The following PTPRM variants were observed in gnomAD, a reference collection of about 807,000 sequenced individuals.
PTPRM encodes receptor-type tyrosine-protein phosphatase mu.
PTPRM carries 47 observed loss-of-function variants against 186.7 expected under a neutral mutation model. The observed-to-expected ratio is 0.25, with a 90% CI of 0.20 to 0.32. The LOEUF is 0.32. Among genes scored for constraint, PTPRM ranks in the 10% least tolerant of loss-of-function variants. The pLI, the probability that PTPRM is intolerant of heterozygous loss-of-function variation, is 1.00. For missense variants in PTPRM, 1,494 were observed against 1,865.0 expected, an observed-to-expected ratio of 0.80 and a Z score of 3.66; for synonymous variants, 668 against 674.9, an observed-to-expected ratio of 0.99 and a Z score of 0.16.
chr18:8,279,466 GA>G (rs1296864131), intron 19 of PTPRM, among the ~76,000 whole-genome samples: 11 of 152,300 alleles, frequency 7.2e-5, no homozygotes, highest in Middle Eastern at 3.4e-3. Context: ...AAGCCCTACT[GA>G]AGAGTGGGTT....
intron 14 of PTPRM, among the ~76,000 whole-genome samples, chr18:8,239,603 G>A (rs1369534758): frequency 1.3e-5 from 2 of 152,174 alleles, no homozygotes; most frequent in Admixed American, 1.3e-4. Flanking sequence ...CTCTCACAGA[G>A]GTTTCTGTTC....
intron 5 of PTPRM, chr18:7,947,042 G>C: frequency 2.2e-6 from 1 of 455,830 alleles, no homozygotes; most frequent in South Asian, 1.5e-5. Flanking sequence ...GCCTGGGACT[G>C]GGTTAGTGAG....
chr18:7,631,311 T>C (rs1243657620), intron 1 of PTPRM, among the ~76,000 whole-genome samples: 1 of 152,186 alleles, frequency 6.6e-6, no homozygotes, highest in Admixed American at 6.5e-5. Flanking sequence ...TTCTTTTTTG[T>C]TTTTACCCAT....
At chr18:7,795,487 C>T (rs1598750281) in intron 2 of PTPRM, among the ~76,000 whole-genome samples, 1 of 149,336 alleles carries the variant, frequency 6.7e-6, no homozygotes, top group South Asian at 2.1e-4. Flanking sequence ...AAAAAAAAAG[C>T]TATATTGGAG....
intron 7 of PTPRM, among the ~76,000 whole-genome samples, chr18:8,040,430 A>T (rs1195169555): frequency 4.6e-5 from 7 of 152,174 alleles, no homozygotes; most frequent in Non-Finnish European, 1.0e-4. Context: ...TATGTGTCAA[A>T]TCGAAGCTGA....
At chr18:7,993,873 G>GATA (rs2083393248) in intron 7 of PTPRM, among the ~76,000 whole-genome samples, 1 of 151,974 alleles carries the variant, frequency 6.6e-6, no homozygotes, top group South Asian at 2.1e-4. Flanking sequence ...AAATCTCAAA[G>GATA]ATAAACATCA....
chr18:8,064,320 A>G (rs2088878399), intron 7 of PTPRM, among the ~76,000 whole-genome samples: 1 of 152,066 alleles, frequency 6.6e-6, no homozygotes, highest in African/African-American at 2.4e-5. Flanking sequence ...ATAAAGTAGA[A>G]TGATTTTGTG....
chr18:7,948,854 C>G (rs1046594906), intron 5 of PTPRM, among the ~76,000 whole-genome samples: 4 of 152,096 alleles, frequency 2.6e-5, no homozygotes, highest in African/African-American at 9.7e-5. Context: ...TGCTATAAGA[C>G]CAAATGTGGA....
At chr18:8,358,701 G>A (rs963291746) in intron 23 of PTPRM, among the ~76,000 whole-genome samples, 9 of 152,180 alleles carry the variant, frequency 5.9e-5, no homozygotes, top group African/African-American at 2.2e-4. Flanking sequence ...ACACGAGAAG[G>A]AACAAAACAC....
At chr18:7,575,432 C>T (rs2036665195) in intron 1 of PTPRM, among the ~76,000 whole-genome samples, 1 of 152,156 alleles carries the variant, frequency 6.6e-6, no homozygotes, top group Non-Finnish European at 1.5e-5. Context: ...ATCTCTAAGT[C>T]TTTATTGTAA....
At chr18:8,393,015 T>C (rs2095824719) in intron 31 of PTPRM, among the ~76,000 whole-genome samples, 1 of 152,202 alleles carries the variant, frequency 6.6e-6, no homozygotes, top group South Asian at 2.1e-4. Flanking sequence ...TGATAATTAA[T>C]TGTTGCAGAC....
chr18:8,142,406 C>T (rs1244463342), intron 13 of PTPRM, among the ~76,000 whole-genome samples: 1 of 151,994 alleles, frequency 6.6e-6, no homozygotes, highest in African/African-American at 2.4e-5. Flanking sequence ...TAAAATCTCA[C>T]CAGGAATAAC....
intron 1 of PTPRM, among the ~76,000 whole-genome samples, chr18:7,709,388 C>T (rs2040164589): frequency 6.6e-6 from 1 of 151,616 alleles, no homozygotes; most frequent in Non-Finnish European, 1.5e-5. Flanking sequence ...TTATCAAAAC[C>T]TCTGGGATAC....
intron 2 of PTPRM, among the ~76,000 whole-genome samples, chr18:7,883,099 T>C (rs1376122734): frequency 6.6e-6 from 1 of 152,238 alleles, no homozygotes; most frequent in African/African-American, 2.4e-5. Context: ...GCTCATTTCA[T>C]TTGCCTGCAA....
intron 7 of PTPRM, among the ~76,000 whole-genome samples, chr18:8,056,561 G>T (rs1213282795): frequency 6.6e-6 from 1 of 151,952 alleles, no homozygotes; most frequent in Non-Finnish European, 1.5e-5. Flanking sequence ...GGTGGAGGTT[G>T]TGGTTAGCTG....
intron 11 of PTPRM, among the ~76,000 whole-genome samples, chr18:8,098,581 C>T (rs2091126182): frequency 1.3e-5 from 2 of 152,044 alleles, no homozygotes; most frequent in South Asian, 2.1e-4. Context: ...TATAAAAGAA[C>T]ACCCTGCCTT....
intron 7 of PTPRM, among the ~76,000 whole-genome samples, chr18:7,974,089 G>A (rs937579259): frequency 2.0e-5 from 3 of 152,042 alleles, no homozygotes; most frequent in Admixed American, 6.5e-5. Context: ...TTTGCTTGAC[G>A]TGGAGCCTGA....
chr18:8,121,536 C>T (rs1184304515), intron 13 of PTPRM, among the ~76,000 whole-genome samples: 1 of 152,192 alleles, frequency 6.6e-6, no homozygotes, highest in African/African-American at 2.4e-5. Flanking sequence ...TGGTCTGCTT[C>T]AAGACTCTTA....
chr18:8,310,464 A>G (rs116201294), intron 20 of PTPRM, among the ~76,000 whole-genome samples: 1 of 147,592 alleles, frequency 6.8e-6, no homozygotes, highest in African/African-American at 2.5e-5. Flanking sequence ...CACCACACCA[A>G]CCTTCTTTGG....
Sources: gnomAD v4.1 joint callset for allele counts (sites outside exome capture counted in the v4.1 genomes callset) on GRCh38, gnomAD v4.1.1 for gene constraint, MANE v1.5 for transcripts, NCBI Gene and HGNC (gene_info 2026-07-23, HGNC 2026-07-21) for gene names.